Variants in NARS2 observed in about 807,000 individuals in gnomAD.
The protein encoded by NARS2 is asparaginyl-tRNA synthetase.
A neutral mutation model predicts 62.9 loss-of-function variants in NARS2; 60 were observed. That is an observed-to-expected ratio of 0.95 (90% confidence interval 0.77 to 1.18). The LOEUF is 1.18. Ranked by LOEUF, NARS2 falls within the 50% of genes most tolerant of loss-of-function variation. The pLI is 0.00. For missense variants in NARS2, 619 were observed against 576.4 expected (o/e 1.07, Z -0.76); for synonymous variants, 196 against 200.0 (o/e 0.98, Z 0.17).
intron 5 of NARS2, among the ~76,000 whole-genome samples, chr11:78,547,872 A>G (rs912175648): frequency 1.1e-4 from 17 of 152,132 alleles, no homozygotes; most frequent in African/African-American, 3.1e-4. Context: ...CCATCTACAC[A>G]GGGAACCAAA....
chr11:78,468,789 T>G (rs113534178), intron 10 of NARS2, among the ~76,000 whole-genome samples: 5,114 of 150,232 alleles, frequency 0.034, 275 homozygotes, highest in African/African-American at 0.12. Context: ...TTTTAAAAAT[T>G]CACTTTTTTT....
At chr11:78,470,739 A>G (rs1376883805) in intron 9 of NARS2, among the ~76,000 whole-genome samples, 2 of 152,200 alleles carry the variant, frequency 1.3e-5, no homozygotes, top group African/African-American at 4.8e-5. Context: ...TGGAATTATT[A>G]GATGAAAATT....
chr11:78,454,202 T>A (rs1858071298), intron 11 of NARS2, among the ~76,000 whole-genome samples: 2 of 152,180 alleles, frequency 1.3e-5, no homozygotes, highest in African/African-American at 2.4e-5. Flanking sequence ...TTGTGACTCT[T>A]CTCTCTTCCT....
intron 5 of NARS2, among the ~76,000 whole-genome samples, chr11:78,542,267 A>T (rs1186385746): frequency 2.0e-5 from 3 of 152,226 alleles, no homozygotes; most frequent in Non-Finnish European, 4.4e-5. Flanking sequence ...TGAATCAAGA[A>T]AAGACGCGTG....
chr11:78,558,092 C>T (rs1856429967), intron 5 of NARS2, among the ~76,000 whole-genome samples: 1 of 151,976 alleles, frequency 6.6e-6, no homozygotes, highest in African/African-American at 2.4e-5. Flanking sequence ...CTTGGCTTCA[C>T]TATGCAGAAA....
intron 9 of NARS2, among the ~76,000 whole-genome samples, chr11:78,477,552 T>C (rs1859154186): frequency 6.6e-6 from 1 of 152,224 alleles, no homozygotes; most frequent in Non-Finnish European, 1.5e-5. Context: ...TCCTGGTCTG[T>C]GATGGTTAAT....
At chr11:78,440,096 G>A (rs565298029) in intron 13 of NARS2, among the ~76,000 whole-genome samples, 6 of 152,224 alleles carry the variant, frequency 3.9e-5, no homozygotes, top group African/African-American at 9.6e-5. Context: ...ACGGAGTCTC[G>A]CTCTGTCACC....
intron 5 of NARS2, among the ~76,000 whole-genome samples, chr11:78,530,674 T>C (rs1431666267): frequency 6.6e-6 from 1 of 152,152 alleles, no homozygotes; most frequent in African/African-American, 2.4e-5. Flanking sequence ...GGTTTCACCA[T>C]GTTGGCCAGG....
At chr11:78,494,455 A>C (rs1284032925) in intron 6 of NARS2, among the ~76,000 whole-genome samples, 1 of 139,802 alleles carries the variant, frequency 7.2e-6, no homozygotes, top group South Asian at 2.3e-4. Context: ...TATATATATA[A>C]GTTTTTTCTT....
intron 4 of NARS2, among the ~76,000 whole-genome samples, chr11:78,563,419 T>G (rs181641769): frequency 4.7e-4 from 71 of 151,958 alleles, no homozygotes; most frequent in African/African-American, 1.5e-3. Flanking sequence ...GGTATCACCA[T>G]GTTGGCCAGG....
In NARS2 at chr11:78,546,385, C is replaced by G. The variant is rs990053552; in HGVS notation, c.594+13154G>C. 4 of 152,206 alleles carry G rather than the reference C, an allele frequency of 2.6e-5. No individual in the cohort carries two copies. In the East Asian group the frequency reaches 7.7e-4, roughly 29 times the overall value. 9.4% of individuals were successfully genotyped at this position (152,206 alleles called of 1,614,324 possible). On this transcript the variant is annotated intron_variant, in intron 5 of 13. Coordinates refer to ENST00000281038, the MANE Select transcript of NARS2 (RefSeq NM_024678.6). ...CCATGTCCTACTGATTACACAGAAC[C>G]AGCCCACTCTTTAACTGTGGGTGAG...
At chr11:78,464,227 G>T (rs1463499747) in intron 11 of NARS2, among the ~76,000 whole-genome samples, 1 of 152,064 alleles carries the variant, frequency 6.6e-6, no homozygotes, top group Non-Finnish European at 1.5e-5. Context: ...CTGGCTTCAG[G>T]AGTGAAGCTG....
At chr11:78,566,303 G>C (rs1277465126) in intron 3 of NARS2, 31 bp from the exon 4 acceptor site, 1 of 1,544,270 alleles carries the variant, frequency 6.5e-7, no homozygotes, top group East Asian at 2.3e-5. Flanking sequence ...CAAATTAGAA[G>C]TCAAAAGAGA....
At chr11:78,448,218 C>T (rs993526181) in intron 11 of NARS2, among the ~76,000 whole-genome samples, 3 of 150,722 alleles carry the variant, frequency 2.0e-5, no homozygotes, top group African/African-American at 7.3e-5. Flanking sequence ...CAGAACCAGA[C>T]GAAACAAAAC....
intron 9 of NARS2, among the ~76,000 whole-genome samples, chr11:78,472,101 C>T (rs888497436): frequency 2.0e-5 from 3 of 152,160 alleles, no homozygotes; most frequent in African/African-American, 7.2e-5. Context: ...TATTCCACGT[C>T]TTCCACTCCA....
intron 6 of NARS2, among the ~76,000 whole-genome samples, chr11:78,494,190 C>T (rs1393930331): frequency 2.0e-5 from 3 of 152,200 alleles, no homozygotes; most frequent in Non-Finnish European, 4.4e-5. Context: ...GAAGTGGACA[C>T]TACATCCGTC....
At chr11:78,491,203 G>C (rs1254360094) in intron 7 of NARS2, among the ~76,000 whole-genome samples, 1 of 152,186 alleles carries the variant, frequency 6.6e-6, no homozygotes, top group Non-Finnish European at 1.5e-5. Context: ...GGAGAAGGTG[G>C]CTGTGCACTT....
intron 11 of NARS2, among the ~76,000 whole-genome samples, chr11:78,456,346 T>C (rs1004846954): frequency 2.0e-5 from 3 of 152,236 alleles, no homozygotes; most frequent in Non-Finnish European, 4.4e-5. Context: ...AAAGTATTAA[T>C]ATAAAATATG....
chr11:78,442,134 T>C (rs1857594942), intron 12 of NARS2, among the ~76,000 whole-genome samples: 1 of 152,242 alleles, frequency 6.6e-6, no homozygotes, highest in South Asian at 2.1e-4. Context: ...GAGGAAAGGT[T>C]TCCTGGAGGA....
Sources: gnomAD v4.1 joint callset for allele counts (sites outside exome capture counted in the v4.1 genomes callset) on GRCh38, gnomAD v4.1.1 for gene constraint, MANE v1.5 for transcripts, NCBI Gene and HGNC (gene_info 2026-07-23, HGNC 2026-07-21) for gene names.